The following LRRTM3 variants were observed in gnomAD, a reference collection of about 807,000 sequenced individuals.
LRRTM3 encodes the protein leucine rich repeat transmembrane neuronal 3, also known as leucine-rich repeat transmembrane neuronal protein 3.
In LRRTM3, 24 loss-of-function variants were observed where a neutral mutation model predicts 44.7. The observed-to-expected ratio is 0.54, with a 90% CI of 0.39 to 0.76. LRRTM3 has a LOEUF of 0.76. LRRTM3 is among the 30% of genes least tolerant of loss of function. LRRTM3 has a pLI of 0.00. For synonymous variants in LRRTM3, 277 were observed against 278.7 expected, an observed-to-expected ratio of 0.99 and a Z score of 0.06; for missense variants, 587 against 702.2, an observed-to-expected ratio of 0.84 and a Z score of 1.85.
chr10:67,005,098 A>AT (rs1376967405), intron 2 of LRRTM3, among the ~76,000 whole-genome samples: 4 of 151,990 alleles, frequency 2.6e-5, no homozygotes, highest in Non-Finnish European at 5.9e-5. Context: ...CCTATGGATT[A>AT]TTTTTTTTCC....
intron 2 of LRRTM3, among the ~76,000 whole-genome samples, chr10:67,031,183 T>C (rs958924489): frequency 4.6e-5 from 7 of 152,162 alleles, no homozygotes; most frequent in Admixed American, 2.6e-4. Flanking sequence ...AATAAAACCC[T>C]CTGATTTATA....
chr10:66,996,679 T>C (rs1037131258), intron 2 of LRRTM3, among the ~76,000 whole-genome samples: 6 of 104,944 alleles, frequency 5.7e-5, no homozygotes, highest in Non-Finnish European at 1.0e-4. Context: ...AAAGCATGTT[T>C]GTGTCAATCA....
At chr10:67,075,845 C>T (rs2131862790) in intron 2 of LRRTM3, among the ~76,000 whole-genome samples, 1 of 152,356 alleles carries the variant, frequency 6.6e-6, no homozygotes, top group East Asian at 1.9e-4. Flanking sequence ...GCTTTTATAA[C>T]TAGCCAGCAA....
intron 2 of LRRTM3, among the ~76,000 whole-genome samples, chr10:66,970,560 T>C (rs1228960082): frequency 6.6e-6 from 1 of 151,942 alleles, no homozygotes; most frequent in African/African-American, 2.4e-5. Flanking sequence ...TATTTTTACA[T>C]AAATTCTAAT....
chr10:66,939,965 G>A (rs1847910822), intron 2 of LRRTM3, among the ~76,000 whole-genome samples: 2 of 151,618 alleles, frequency 1.3e-5, no homozygotes, highest in Admixed American at 6.6e-5. Context: ...ACCCCTATAC[G>A]CATCTTGCTT....
At chr10:66,957,419 T>TATGC in intron 2 of LRRTM3, among the ~76,000 whole-genome samples, 1 of 32,984 alleles carries the variant, frequency 3.0e-5, no homozygotes, top group South Asian at 7.7e-4. Context: ...TATATGCATA[T>TATGC]ATATATATGC....
At chr10:67,072,083 G>A (rs1422568042) in intron 2 of LRRTM3, among the ~76,000 whole-genome samples, 2 of 152,132 alleles carry the variant, frequency 1.3e-5, no homozygotes, top group African/African-American at 2.4e-5. Context: ...CTCTTGAGTA[G>A]CTGGGATTAC....
At chr10:66,995,637 G>T (rs1255392850) in intron 2 of LRRTM3, among the ~76,000 whole-genome samples, 2 of 152,144 alleles carry the variant, frequency 1.3e-5, no homozygotes, top group East Asian at 3.9e-4. Flanking sequence ...ATTAAGTTCA[G>T]GTTCTTTCCT....
In LRRTM3 at chr10:66,928,110, G is replaced by C. The variant is rs997661924; in HGVS notation, c.1194G>C (p.Thr398=). 1.2e-6 allele frequency: 2 copies of C among 1,614,068 alleles called. No individual in the cohort carries two copies. The highest frequency in any genetic ancestry group is 1.7e-5 in the Admixed American group (1 of 60,022). ...AGAGCAAACCCCCTTTGCCCCCGAC[G>C]GTGGGAGCCACAGAGCCCGGCCCAG... The part of the protein sequence containing the change: ...KHESKPPLPP[T]VGATEPGPET... The change falls in exon 2 of 3, where the codon ACG becomes ACC. Residue 398 remains threonine, a synonymous_variant. Transcript: ENST00000361320.
intron 2 of LRRTM3, among the ~76,000 whole-genome samples, chr10:67,031,004 CA>C (rs949278894): frequency 1.9e-4 from 29 of 152,010 alleles, no homozygotes; most frequent in Non-Finnish European, 4.0e-4. Flanking sequence ...AACTCCGTCT[CA>C]AAAAAATAAA....
intron 2 of LRRTM3, among the ~76,000 whole-genome samples, chr10:67,064,396 G>A (rs898666539): frequency 5.3e-5 from 8 of 151,924 alleles, no homozygotes; most frequent in African/African-American, 1.5e-4. Flanking sequence ...TAGTGTAACC[G>A]AAATTACCAA....
At chr10:67,046,467 T>C (rs7896376) in intron 2 of LRRTM3, among the ~76,000 whole-genome samples, 69,071 of 151,986 alleles carry the variant, frequency 0.45, 16,035 homozygotes, top group Middle Eastern at 0.61. Flanking sequence ...TGCAAGCTAA[T>C]AGACATTGCC....
At chr10:66,953,365 G>A (rs1439555339) in intron 2 of LRRTM3, among the ~76,000 whole-genome samples, 1 of 152,146 alleles carries the variant, frequency 6.6e-6, no homozygotes, top group Admixed American at 6.6e-5. Context: ...CTCACTGCCG[G>A]TTGTCTGAAA....
chr10:66,986,207 T>G (rs781672590), intron 2 of LRRTM3, among the ~76,000 whole-genome samples: 1 of 152,058 alleles, frequency 6.6e-6, no homozygotes, highest in Non-Finnish European at 1.5e-5. Context: ...TTAATTAAAA[T>G]AGCAAGACTG....
chr10:66,941,257 T>C (rs989799066), intron 2 of LRRTM3, among the ~76,000 whole-genome samples: 3 of 152,174 alleles, frequency 2.0e-5, no homozygotes, highest in Non-Finnish European at 2.9e-5. Context: ...ACACAGAACA[T>C]GAAGAGGCAA....
intron 2 of LRRTM3, among the ~76,000 whole-genome samples, chr10:67,092,500 C>A (rs1229312573): frequency 6.6e-6 from 1 of 151,746 alleles, no homozygotes; most frequent in Non-Finnish European, 1.5e-5. Flanking sequence ...CTTGAGTGAC[C>A]TTAACCAAAT....
chr10:66,957,431 TATATATATATGC>T (rs1564794015), intron 2 of LRRTM3, among the ~76,000 whole-genome samples: 1 of 118,542 alleles, frequency 8.4e-6, no homozygotes. Flanking sequence ...TATATATGCA[TATATATATATGC>T]ATATATATAT....
chr10:67,072,625 C>G (rs1345304646), intron 2 of LRRTM3, among the ~76,000 whole-genome samples: 1 of 152,090 alleles, frequency 6.6e-6, no homozygotes, highest in Non-Finnish European at 1.5e-5. Context: ...GTAGTCTTCC[C>G]CTTGTTTATC....
At chr10:67,087,267 A>T (rs1857358913) in intron 2 of LRRTM3, among the ~76,000 whole-genome samples, 1 of 152,062 alleles carries the variant, frequency 6.6e-6, no homozygotes, top group Non-Finnish European at 1.5e-5. Flanking sequence ...TCCAGGGAAG[A>T]GTCCATTAGT....
Sources: gnomAD v4.1 joint callset for allele counts (sites outside exome capture counted in the v4.1 genomes callset) on GRCh38, gnomAD v4.1.1 for gene constraint, MANE v1.5 for transcripts, NCBI Gene and HGNC (gene_info 2026-07-23, HGNC 2026-07-21) for gene names.